TNNI3K: variants seen among roughly 807,000 people sequenced by gnomAD.
The protein encoded by TNNI3K is serine/threonine-protein kinase TNNI3K.
A neutral mutation model predicts 114.5 loss-of-function variants in TNNI3K; 140 were observed. The observed-to-expected ratio is 1.22, with a 90% confidence interval of 1.07 to 1.41. The LOEUF is 1.41. Ranked by LOEUF, TNNI3K falls within the 40% of genes most tolerant of loss-of-function variation. The pLI, the probability that TNNI3K is intolerant of heterozygous loss-of-function variation, is 0.00. For synonymous variants in TNNI3K, 347 were observed against 347.5 expected, an observed-to-expected ratio of 1.00 and a Z score of 0.02; for missense variants, 1,125 against 1,007.6, an observed-to-expected ratio of 1.12 and a Z score of -1.58.
chr1:74,403,439 C>T (rs965199017), intron 17 of TNNI3K, among the ~76,000 whole-genome samples: 2 of 151,944 alleles, frequency 1.3e-5, no homozygotes, highest in Non-Finnish European at 2.9e-5. Flanking sequence ...TGTTCTCTCC[C>T]GTGTTACTGC....
chr1:74,416,225 G>A, intron 17 of TNNI3K: 1 of 901,824 alleles, frequency 1.1e-6, no homozygotes, highest in Non-Finnish European at 1.3e-6. Flanking sequence ...AAAGACGTGA[G>A]GAGTTTAAAA....
intron 17 of TNNI3K, among the ~76,000 whole-genome samples, chr1:74,415,875 T>G (rs1235037989): frequency 2.6e-5 from 4 of 152,192 alleles, no homozygotes; most frequent in Non-Finnish European, 4.4e-5. Context: ...CCTAGCTTTT[T>G]GCCAAGCTAC....
Position 74,496,471 on chromosome 1 carries a change from A to G in TNNI3K, c.2351+4205A>G, listed in dbSNP as rs117371959. On this transcript the variant is annotated intron_variant, in intron 23 of 24. Transcript: ENST00000326637. ...TCCTATAGTCCCTACTAATGTATGG[A>G]TGTGGGGACACCTCAACACTGTCTT... Among the ~76,000 whole-genome samples, 313 of 152,256 alleles carry G rather than the reference A, an allele frequency of 2.1e-3. 3 individuals carry two copies. Among genetic ancestry groups the G allele is most frequent in the East Asian group, 6.6e-3 (34 of 5,186 alleles).
At chr1:74,390,072 A>G (rs1663684857) in intron 17 of TNNI3K, among the ~76,000 whole-genome samples, 1 of 152,212 alleles carries the variant, frequency 6.6e-6, no homozygotes, top group South Asian at 2.1e-4. Flanking sequence ...AGCAAAAATA[A>G]AAGGTCTCAT....
intron 17 of TNNI3K, among the ~76,000 whole-genome samples, chr1:74,435,062 A>T (rs1666062232): frequency 6.6e-6 from 1 of 152,098 alleles, no homozygotes; most frequent in Admixed American, 6.6e-5. Flanking sequence ...GCACTAAAAA[A>T]ATCCAGTGGC....
intron 21 of TNNI3K, among the ~76,000 whole-genome samples, chr1:74,474,044 T>C (rs1668066210): frequency 6.6e-6 from 1 of 152,146 alleles, no homozygotes; most frequent in South Asian, 2.1e-4. Context: ...ATGCCTGGCA[T>C]AGAGCAGAAT....
chr1:74,417,330 C>A (rs532262283), intron 17 of TNNI3K, among the ~76,000 whole-genome samples: 5 of 152,030 alleles, frequency 3.3e-5, no homozygotes, highest in Non-Finnish European at 7.4e-5. Flanking sequence ...TGCTGCTTCC[C>A]GTCAGTGGCT....
intron 23 of TNNI3K, among the ~76,000 whole-genome samples, chr1:74,529,953 T>C (rs1341911292): frequency 1.3e-5 from 2 of 152,126 alleles, no homozygotes; most frequent in East Asian, 3.9e-4. Flanking sequence ...AGTTTACCTG[T>C]ACATGCCTAT....
intron 6 of TNNI3K, among the ~76,000 whole-genome samples, chr1:74,333,198 G>A (rs1660302862): frequency 6.6e-6 from 1 of 152,158 alleles, no homozygotes. Flanking sequence ...TAGTCATTGT[G>A]CCTTTATTCC....
Position 74,342,910 on chromosome 1 carries a change from G to A in TNNI3K, c.751G>A (p.Val251Ile). The change falls in exon 8 of 25, where the codon GTT becomes ATT. Residue 251 changes from valine (V) to isoleucine (I), a missense_variant. Coordinates refer to ENST00000326637, the MANE Select transcript of TNNI3K (RefSeq NM_015978.3). ...TTCTCGATTTGGACACCATGATATA[G>A]TTAAGTATCTGCTGCAAAGTGATTT... ...FCSRFGHHDI[V>I]KYLLQSDLEV... 1.2e-6 allele frequency: 2 copies of A among 1,613,880 alleles called. No homozygotes were observed. Among genetic ancestry groups the A allele is most frequent in the Non-Finnish European group, 1.7e-6 (2 of 1,179,904 alleles).
intron 1 of TNNI3K, among the ~76,000 whole-genome samples, 166 bp from the exon 2 acceptor site, chr1:74,235,936 C>T (rs1429811713): frequency 6.6e-6 from 1 of 151,416 alleles, no homozygotes; most frequent in Non-Finnish European, 1.5e-5. Flanking sequence ...AATATGATTG[C>T]ATTTTAAATA....
chr1:74,301,529 G>A (rs1658330590), intron 5 of TNNI3K, among the ~76,000 whole-genome samples: 1 of 73,440 alleles, frequency 1.4e-5, no homozygotes, highest in South Asian at 4.5e-4. Flanking sequence ...AGGAATAACT[G>A]AAGAATTTCA....
chr1:74,351,124 T>A (rs1661313255), intron 9 of TNNI3K, among the ~76,000 whole-genome samples: 1 of 151,810 alleles, frequency 6.6e-6, no homozygotes, highest in Non-Finnish European at 1.5e-5. Context: ...CTTTCCATGT[T>A]TAGTGCTTCC....
intron 23 of TNNI3K, among the ~76,000 whole-genome samples, chr1:74,538,702 G>A (rs983618203): frequency 6.6e-6 from 1 of 152,156 alleles, no homozygotes; most frequent in African/African-American, 2.4e-5. Flanking sequence ...AAATTGCAGA[G>A]GAGGCAGTCA....
chr1:74,401,796 C>A (rs546523599), intron 17 of TNNI3K: 22 of 444,626 alleles, frequency 4.9e-5, no homozygotes, highest in Admixed American at 2.5e-4. Context: ...TAATTCAAAT[C>A]TCTTCTTATT....
At chr1:74,241,439 C>T (rs1214834881) in intron 2 of TNNI3K, among the ~76,000 whole-genome samples, 3 of 152,200 alleles carry the variant, frequency 2.0e-5, no homozygotes, top group African/African-American at 2.4e-5. Context: ...TCTCCAGCAC[C>T]TGTTGTTTCC....
intron 23 of TNNI3K, among the ~76,000 whole-genome samples, chr1:74,504,433 T>C (rs1414697013): frequency 6.6e-6 from 1 of 152,178 alleles, no homozygotes; most frequent in Non-Finnish European, 1.5e-5. Context: ...GTGTGCAGCC[T>C]CAAAGTTGAG....
chr1:74,266,812 G>A (rs1656022632), intron 4 of TNNI3K, among the ~76,000 whole-genome samples: 1 of 151,908 alleles, frequency 6.6e-6, no homozygotes, highest in Admixed American at 6.6e-5. Flanking sequence ...GGCTAGTACA[G>A]AGTTGCAGTT....
At chr1:74,442,563 A>T (rs987217849) in intron 20 of TNNI3K, among the ~76,000 whole-genome samples, 3 of 152,042 alleles carry the variant, frequency 2.0e-5, no homozygotes, top group African/African-American at 7.2e-5. Flanking sequence ...GAACATCTTA[A>T]CCGTGTTAGT....
Sources: gnomAD v4.1 joint callset for allele counts (sites outside exome capture counted in the v4.1 genomes callset) on GRCh38, gnomAD v4.1.1 for gene constraint, MANE v1.5 for transcripts, NCBI Gene and HGNC (gene_info 2026-07-23, HGNC 2026-07-21) for gene names.